The following IGDCC3 variants were observed in gnomAD, a reference collection of about 807,000 sequenced individuals.
IGDCC3 encodes putative neuronal cell adhesion molecule.
IGDCC3 carries 47 observed loss-of-function variants against 72.0 expected under a neutral mutation model. The ratio of observed to expected loss-of-function variants is 0.65; its 90% CI spans 0.52 to 0.83. The LOEUF (loss-of-function observed/expected upper bound fraction) is 0.83. IGDCC3 is among the 40% of genes least tolerant of loss of function. The pLI is 0.00. For synonymous variants in IGDCC3, 477 were observed against 472.8 expected (o/e 1.01, Z -0.11); for missense variants, 1,038 against 1,091.3 (o/e 0.95, Z 0.69).
Position 65,335,948 on chromosome 15 carries a change from C to A in IGDCC3, c.418G>T (p.Asp140Tyr), listed in dbSNP as rs768016838. 3 of 1,614,040 alleles carry A rather than the reference C, an allele frequency of 1.9e-6. No homozygotes were observed. The African/African-American group carries it at 4.0e-5, about 22-fold the overall frequency. The part of the protein sequence containing the change: ...KARIQAATMS[D>Y]FHVHPQATVG... ...GTGGCCTGGGGATGCACGTGGAAGTCCGACATGGCTGGGGGAAGAGAAGTG... is the reference window on the plus strand; with the variant it reads ...GTGGCCTGGGGATGCACGTGGAAGTACGACATGGCTGGGGGAAGAGAAGTG... Residue 140 changes from aspartate (D) to tyrosine (Y), a missense_variant, in exon 3 of 14, where the codon GAC (aspartate) becomes TAC (tyrosine). Physicochemically the swap from Asp to Tyr is radical, Grantham distance 160. Transcript: ENST00000327987.
At position 65,377,640 on chromosome 15, in the gene IGDCC3, C is replaced by A. The variant is rs999698295; in HGVS notation, c.103+46G>T. On this transcript the variant is annotated intron_variant, in intron 1 of 13. Coordinates refer to ENST00000327987, the MANE Select transcript of IGDCC3 (RefSeq NM_004884.4). The surrounding 1 kb of genome is among the most constrained non-coding windows in gnomAD (Gnocchi z 4.9). ...CCCGCTCCCTCCCTGCTCGCCCTTC[C>A]CCTGGCTCCGTCCGCAACCGCCCGG... 2.1e-6 allele frequency: 3 copies of A among 1,402,006 alleles called. No individual in the cohort carries two copies. The highest frequency in any genetic ancestry group is 1.6e-5 in the South Asian group (1 of 61,698). The allele number at this position is 1,402,006 out of a possible 1,614,324, so 86.8% of individuals were successfully genotyped here. A position where few individuals can be genotyped will look rare whatever the true frequency, so the allele number is the denominator to read the frequency against.
rs776781971 is a variant in IGDCC3 at position 65,329,895 on chromosome 15, C to T, written c.1859-31G>A. The stretch of plus-strand genomic sequence containing the variant: ...GACAGGGACGGGTTGGAGGCTTTGG[C>T]TCTCCAGGTCTGAAGCACTCCCAAA... On this transcript the variant is annotated intron_variant, in intron 11 of 13. Coordinates refer to ENST00000327987, the MANE Select transcript of IGDCC3 (RefSeq NM_004884.4). This position sits in a 1 kb window ranked among gnomAD's most constrained non-coding sequence, Gnocchi z 4.1. The T allele has an allele frequency of 1.2e-6, 2 of 1,612,796 alleles. No individual in the cohort carries two copies. Among genetic ancestry groups the T allele is most frequent in the Non-Finnish European group, 1.7e-6 (2 of 1,179,806 alleles).
At position 65,333,431 on chromosome 15, in the gene IGDCC3, AG is replaced by A. The variant is rs768911893; in HGVS notation, c.824-17del. On this transcript the variant is annotated splice_polypyrimidine_tract_variant and intron_variant, in intron 5 of 13. Coordinates refer to ENST00000327987, the MANE Select transcript of IGDCC3 (RefSeq NM_004884.4). The stretch of plus-strand genomic sequence containing the variant: ...GGGCGACCATCTGCAGAGGAAGGGG[AG>A]GGGGGATGGGTGAGGGTCAGATAGA... The A allele has an allele frequency of 4.4e-6, 7 of 1,579,148 alleles. No individual in the cohort carries two copies. The highest frequency in any genetic ancestry group is 1.1e-5 in the South Asian group (1 of 87,072).
In IGDCC3 at chr15:65,330,666, C is replaced by G; in HGVS notation, c.1637G>C (p.Arg546Pro). ...GAAGCCGCCCTCGTGCTGGGCCAGC[C>G]GGGGCCAAGGCTCCCACAGCAGCTG... ...SLQLLWEPWP[R>P]LAQHEGGFKL... is the part of the protein sequence containing the mutation. Residue 546 changes from arginine to proline, a missense_variant, in exon 10 of 14, where the codon CGG (arginine) becomes CCG (proline). Arg to Pro is a moderately radical substitution (Grantham distance 103, BLOSUM62 -2). Coordinates refer to ENST00000327987, the MANE Select transcript of IGDCC3 (RefSeq NM_004884.4). 1 of 1,613,492 alleles carries G rather than the reference C, an allele frequency of 6.2e-7. No homozygotes were observed. Among genetic ancestry groups the G allele is most frequent in the South Asian group, 1.1e-5 (1 of 91,062 alleles).
intron 1 of IGDCC3, among the ~76,000 whole-genome samples, chr15:65,376,962 G>A (rs950754508): frequency 3.3e-5 from 5 of 152,186 alleles, no homozygotes; most frequent in African/African-American, 1.2e-4. Flanking sequence ...CCGAGCTCCA[G>A]GCAGCAGAAC....
chr15:65,350,381 C>G (rs2091163135), intron 2 of IGDCC3, among the ~76,000 whole-genome samples: 1 of 151,982 alleles, frequency 6.6e-6, no homozygotes, highest in Admixed American at 6.6e-5. Flanking sequence ...GCCTCAGCCT[C>G]CCAAGAAATC....
intron 2 of IGDCC3, among the ~76,000 whole-genome samples, chr15:65,354,078 G>A (rs937232824): frequency 1.3e-5 from 2 of 152,128 alleles, no homozygotes; most frequent in Non-Finnish European, 2.9e-5. Context: ...GCAAATTTTT[G>A]TATTTTGAGT....
intron 2 of IGDCC3, among the ~76,000 whole-genome samples, chr15:65,341,097 G>C (rs2091077184): frequency 6.6e-6 from 1 of 152,210 alleles, no homozygotes; most frequent in Non-Finnish European, 1.5e-5. Context: ...GAGATGGGCT[G>C]TAAGTATCAA....
At position 65,328,919 on chromosome 15, in the gene IGDCC3, G is replaced by A. The variant is rs200034167; in HGVS notation, c.2435C>T (p.Ser812Leu). The A allele has an allele frequency of 1.3e-5, 20 of 1,541,010 alleles. No homozygotes were observed. Among genetic ancestry groups the A allele is most frequent in the South Asian group, 1.0e-4 (8 of 79,016 alleles). ...CCTGCCAGACACTGGCTACTGTTCC[G>A]AGTGAGCTGGCTGGGTAACCCGGGC... ...AAARVTQPAH[S>L]EQ Residue 812 changes from serine to leucine, a missense_variant, in exon 14 of 14, where the codon TCG becomes TTG. Coordinates refer to ENST00000327987, the MANE Select transcript of IGDCC3 (RefSeq NM_004884.4).
chr15:65,355,693 C>T (rs1207879798), intron 2 of IGDCC3: 6 of 401,740 alleles, frequency 1.5e-5, no homozygotes, highest in Non-Finnish European at 2.4e-5. Flanking sequence ...CAATAGTGTC[C>T]GCGCTGAATG....
chr15:65,355,678 C>CCCCCCACA, intron 2 of IGDCC3: 1 of 299,226 alleles, frequency 3.3e-6, no homozygotes, highest in Admixed American at 3.3e-5. Flanking sequence ...GCCCCTCCCG[C>CCCCCCACA]ATAGCAATAG....
chr15:65,339,014 CGCCTCA>C lies in IGDCC3; in HGVS notation c.410-3064_410-3059del, dbSNP rs2091055534. Among the ~76,000 whole-genome samples, 1 of 152,166 alleles carries C rather than the reference CGCCTCA, an allele frequency of 6.6e-6. No homozygotes were observed. Among genetic ancestry groups the C allele is most frequent in the Non-Finnish European group, 1.5e-5 (1 of 68,030 alleles). ...ACCTCTCAGGCTCAGGTGATCCTCC[CGCCTCA>C]GCCTCCTGAGGAGCTGGGACCACAA... On this transcript the variant is annotated intron_variant, in intron 2 of 13. Coordinates refer to ENST00000327987, the MANE Select transcript of IGDCC3 (RefSeq NM_004884.4). This position sits in a 1 kb window ranked among gnomAD's most constrained non-coding sequence, Gnocchi z 4.1.
chr15:65,376,752 A>T (rs2091361668), intron 1 of IGDCC3, among the ~76,000 whole-genome samples: 1 of 152,136 alleles, frequency 6.6e-6, no homozygotes, highest in Non-Finnish European at 1.5e-5. Flanking sequence ...AGCTGTCGGG[A>T]ATAAAGTTTT....
At chr15:65,332,168 G>T in intron 6 of IGDCC3, 62 bp from the exon 7 acceptor site, 3 of 1,551,804 alleles carry the variant, frequency 1.9e-6, no homozygotes, top group Non-Finnish European at 1.7e-6. Context: ...ACGGCATGAG[G>T]AAGGGAACAG....
At chr15:65,373,561 C>G (rs571723266) in intron 2 of IGDCC3, 1 of 152,786 alleles carries the variant, frequency 6.5e-6, no homozygotes, top group East Asian at 1.9e-4. Flanking sequence ...TGCAAATGCC[C>G]TCAGAGCCAG....
intron 2 of IGDCC3, 50 bp from the exon 3 acceptor site, chr15:65,336,006 T>C: frequency 6.3e-7 from 1 of 1,594,450 alleles, no homozygotes. Flanking sequence ...GGGCAGAAGG[T>C]AGGAGAGAAT....
At chr15:65,372,029 A>C (rs2091328614) in intron 2 of IGDCC3, among the ~76,000 whole-genome samples, 1 of 152,236 alleles carries the variant, frequency 6.6e-6, no homozygotes, top group Non-Finnish European at 1.5e-5. Flanking sequence ...CCAGCGAGGG[A>C]GAAAGCAGGG....
rs779173773 is a variant in IGDCC3 at position 65,334,861 on chromosome 15, C to T, written c.690G>A (p.Ser230=). ...SHGARLTVSG[S]GSGAYKEPAI... Reference sequence around the variant, plus strand: ...CTGGCTCCTTGTAGGCCCCAGAGCCCGAGCCTGGGAGGAAGACGCCACATA... The same window carrying T: ...CTGGCTCCTTGTAGGCCCCAGAGCCTGAGCCTGGGAGGAAGACGCCACATA... Residue 230 remains serine (S), a synonymous_variant, in exon 5 of 14, where the codon TCG becomes TCA. Coordinates refer to ENST00000327987, the MANE Select transcript of IGDCC3 (RefSeq NM_004884.4). 53 of 1,610,574 alleles carry T rather than the reference C, an allele frequency of 3.3e-5. No homozygotes were observed. Among genetic ancestry groups the T allele is most frequent in the Non-Finnish European group, 4.2e-5 (50 of 1,178,732 alleles).
At chr15:65,363,485 C>G (rs1177608235) in intron 2 of IGDCC3, among the ~76,000 whole-genome samples, 1 of 152,138 alleles carries the variant, frequency 6.6e-6, no homozygotes, top group African/African-American at 2.4e-5. Context: ...TCCAGAGACC[C>G]AATGCTTGCC....
Sources: allele counts gnomAD v4.1 joint callset (sites outside exome capture counted in the v4.1 genomes callset), GRCh38; gene constraint gnomAD v4.1.1; non-coding constraint Gnocchi (gnomAD v3.1); transcripts MANE v1.5; gene names NCBI Gene and HGNC (gene_info 2026-07-23, HGNC 2026-07-21).